The following KCNQ1 variants were observed in gnomAD, a reference collection of about 807,000 sequenced individuals.
KCNQ1 encodes potassium voltage-gated channel subfamily KQT member 1.
KCNQ1 carries 49 observed loss-of-function variants against 72.4 expected under a neutral mutation model. The ratio of observed to expected loss-of-function variants is 0.68; its 90% CI spans 0.54 to 0.86. The LOEUF is 0.86. Among genes scored for constraint, KCNQ1 ranks in the 40% least tolerant of loss-of-function variants. The pLI is 0.00. For missense variants in KCNQ1, 790 were observed against 945.1 expected (o/e 0.84, Z 2.15); for synonymous variants, 450 against 412.6 (o/e 1.09, Z -1.10).
rs1463403889 is a variant in KCNQ1 at position 2,652,296 on chromosome 11, T to C, written c.1394-9665T>C. ...TGCACCGGTTTCCAAGGCTTCTCCC[T>C]CACTAATTGCTTTGATTATTGTGTG... On this transcript the variant is annotated intron_variant, in intron 10 of 15. Coordinates refer to ENST00000155840, the MANE Select transcript of KCNQ1 (RefSeq NM_000218.3). This position sits in a 1 kb window ranked among gnomAD's most constrained non-coding sequence, Gnocchi z 5.9. 5.0e-6 allele frequency: 2 copies of C among 398,536 alleles called. No individual in the cohort carries two copies. The highest frequency in any genetic ancestry group is 8.8e-6 in the Non-Finnish European group (2 of 226,062). 24.7% of individuals were successfully genotyped at this position (398,536 alleles called of 1,614,324 possible).
intron 15 of KCNQ1, among the ~76,000 whole-genome samples, chr11:2,839,351 C>A (rs540334637): frequency 6.6e-6 from 1 of 152,250 alleles, no homozygotes. Flanking sequence ...TCTGTCCCCA[C>A]CCTGAAGTTG....
At position 2,611,774 on chromosome 11, in the gene KCNQ1, T is replaced by G. The variant is rs1589980876; in HGVS notation, c.1393+22920T>G. 4.5e-5 allele frequency: 18 copies of G among 398,526 alleles called. No homozygotes were observed. The East Asian group carries it at 6.4e-4, about 14-fold the overall frequency. The allele number at this position is 398,526 out of a possible 1,614,324, so 24.7% of individuals were successfully genotyped here. On this transcript the variant is annotated intron_variant, in intron 10 of 15. Transcript: ENST00000155840. This position sits in a 1 kb window ranked among gnomAD's most constrained non-coding sequence, Gnocchi z 5.3. ...TTATTTATTTTCTATATGTCTCATA[T>G]CACTTTTGTTCCTCTCTTCCTCCTT...
At chr11:2,709,702 T>A (rs935791085) in intron 11 of KCNQ1, among the ~76,000 whole-genome samples, 1 of 152,176 alleles carries the variant, frequency 6.6e-6, no homozygotes. Context: ...CGGGTTTGCC[T>A]GTTCTGAACA....
In KCNQ1 at chr11:2,612,300, C is replaced by T. The variant is rs563069360; in HGVS notation, c.1393+23446C>T. On this transcript the variant is annotated intron_variant, in intron 10 of 15. Coordinates refer to ENST00000155840, the MANE Select transcript of KCNQ1 (RefSeq NM_000218.3). This position sits in a 1 kb window ranked among gnomAD's most constrained non-coding sequence, Gnocchi z 5.5. ...TGTGAGGGATCTAGGTTGTGCACTC[C>T]GTATGAGAATCTAACTAAAGCCTCC... 109 of 398,566 alleles carry T rather than the reference C, an allele frequency of 2.7e-4. No individual in the cohort carries two copies. Among genetic ancestry groups the T allele is most frequent in the African/African-American group, 6.4e-4 (31 of 48,736 alleles). 24.7% of individuals were successfully genotyped at this position (398,566 alleles called of 1,614,324 possible). A position where few individuals can be genotyped will look rare whatever the true frequency, so the allele number is the denominator to read the frequency against.
rs749279266 is a variant in KCNQ1 at position 2,735,346 on chromosome 11, G to A, written c.1515-33498G>A. Among the ~76,000 whole-genome samples, 112 of 151,990 alleles carry A rather than the reference G, an allele frequency of 7.4e-4. No individual in the cohort carries two copies. Among genetic ancestry groups the A allele is most frequent in the Admixed American group, 1.5e-3 (23 of 15,276 alleles). On this transcript the variant is annotated intron_variant, in intron 11 of 15. Coordinates refer to ENST00000155840, the MANE Select transcript of KCNQ1 (RefSeq NM_000218.3). This position sits in a 1 kb window ranked among gnomAD's most constrained non-coding sequence, Gnocchi z 7.7. ...GCTAATGGCAATTGAGGCCCTGCCC[G>A]GTGGAGGGTGGGCCATGGCCGCCCC...
At chr11:2,744,073 G>A (rs918960053) in intron 11 of KCNQ1, among the ~76,000 whole-genome samples, 6 of 152,184 alleles carry the variant, frequency 3.9e-5, no homozygotes, top group Admixed American at 6.5e-5. Flanking sequence ...GCCCATTGCC[G>A]GTACCCATGG....
In KCNQ1 at chr11:2,746,480, C is replaced by T. The variant is rs1846139809; in HGVS notation, c.1515-22364C>T. ...CATTCCTCATCCGTCTCCCTGGGCT[C>T]CTCTGGGCGGTGACTGTTTCCCAGG... On this transcript the variant is annotated intron_variant, in intron 11 of 15. Transcript: ENST00000155840. This position sits in a 1 kb window ranked among gnomAD's most constrained non-coding sequence, Gnocchi z 5.9. 6.6e-6 allele frequency among the ~76,000 whole-genome samples: 1 copy of T among 152,172 alleles called. No homozygotes were observed. Among genetic ancestry groups the T allele is most frequent in the Admixed American group, 6.5e-5 (1 of 15,278 alleles).
In KCNQ1 at chr11:2,813,976, A is replaced by T. The variant is rs1847548502; in HGVS notation, c.1795-33791A>T. Among the ~76,000 whole-genome samples the T allele has an allele frequency of 6.6e-6, 1 of 151,834 alleles. No individual in the cohort carries two copies. Among genetic ancestry groups the T allele is most frequent in the Non-Finnish European group, 1.5e-5 (1 of 67,966 alleles). On this transcript the variant is annotated intron_variant, in intron 15 of 15. Transcript: ENST00000155840. This position sits in a 1 kb window ranked among gnomAD's most constrained non-coding sequence, Gnocchi z 4.4. The stretch of plus-strand genomic sequence containing the variant: ...GGTGAAAGGATGAATAGAGAGATGG[A>T]GGGAAGGAGGGCTGAATAAAGAAAT...
At chr11:2,805,270 G>A (rs1847348880) in intron 15 of KCNQ1, among the ~76,000 whole-genome samples, 1 of 152,184 alleles carries the variant, frequency 6.6e-6, no homozygotes, top group Admixed American at 6.5e-5. Flanking sequence ...GGAGAGCAAA[G>A]GCTGCAGCTG....
intron 15 of KCNQ1, among the ~76,000 whole-genome samples, chr11:2,804,297 T>G (rs1206313069): frequency 6.6e-6 from 1 of 152,126 alleles, no homozygotes; most frequent in Non-Finnish European, 1.5e-5. Context: ...AACGTCATTT[T>G]GCAGAAGGGA....
At chr11:2,728,974 G>C (rs1845808109) in intron 11 of KCNQ1, among the ~76,000 whole-genome samples, 1 of 152,240 alleles carries the variant, frequency 6.6e-6, no homozygotes, top group African/African-American at 2.4e-5. Flanking sequence ...GGTGTTGATT[G>C]GTTCTGGGAG....
chr11:2,666,101 C>A, intron 11 of KCNQ1: 1 of 398,668 alleles, frequency 2.5e-6, no homozygotes, highest in South Asian at 1.3e-4. Flanking sequence ...CCAGCCCAGT[C>A]ATGTGGTTTC....
rs1046220057 is a variant in KCNQ1, at chr11:2,781,181, C to G, written c.1794+3144C>G. On this transcript the variant is annotated intron_variant, in intron 15 of 15. Coordinates refer to ENST00000155840, the MANE Select transcript of KCNQ1 (RefSeq NM_000218.3). The surrounding 1 kb of genome is among the most constrained non-coding windows in gnomAD (Gnocchi z 6.6). Reference sequence around the variant, plus strand: ...TGTTTTCATCTTAGATTATTGTCTTCTTTATCCTGGAGAGGACTCTTATTT... The same window carrying G: ...TGTTTTCATCTTAGATTATTGTCTTGTTTATCCTGGAGAGGACTCTTATTT... Among the ~76,000 whole-genome samples, 2 of 152,162 alleles carry G rather than the reference C, an allele frequency of 1.3e-5. No homozygotes were observed. Among genetic ancestry groups the G allele is most frequent in the Non-Finnish European group, 2.9e-5 (2 of 68,032 alleles).
chr11:2,640,813 A>C (rs1292759747), intron 10 of KCNQ1: 1 of 398,200 alleles, frequency 2.5e-6, no homozygotes, highest in East Asian at 3.6e-5. Flanking sequence ...CCACTAACCA[A>C]CCTCTCTTCA....
At chr11:2,696,506 CCT>C in intron 11 of KCNQ1, 1 of 398,662 alleles carries the variant, frequency 2.5e-6, no homozygotes. Context: ...CAGCAGAAGT[CCT>C]CTGCTCTCCT....
intron 1 of KCNQ1, among the ~76,000 whole-genome samples, chr11:2,525,747 G>C (rs1027017287): frequency 1.1e-4 from 16 of 152,348 alleles, no homozygotes; most frequent in Admixed American, 4.6e-4. Context: ...ATGTCCCAGT[G>C]GGGGAGTAAC....
chr11:2,829,769 G>C (rs1257564228), intron 15 of KCNQ1, among the ~76,000 whole-genome samples: 2 of 152,120 alleles, frequency 1.3e-5, no homozygotes, highest in Non-Finnish European at 2.9e-5. Flanking sequence ...ATAGTCGGTA[G>C]GGTTGAAGGG....
At position 2,613,976 on chromosome 11, in the gene KCNQ1, AT is replaced by A; in HGVS notation, c.1393+25123del. The A allele has an allele frequency of 2.5e-6, 1 of 398,624 alleles. No homozygotes were observed. Among genetic ancestry groups the A allele is most frequent in the Non-Finnish European group, 4.4e-6 (1 of 226,066 alleles). 24.7% of individuals were successfully genotyped at this position (398,624 alleles called of 1,614,324 possible). ...CAACATCTCCTAGAAATCACTCAACATCCATTCACAGAGATCTTTCTCATTG... is the reference window on the plus strand; with the variant it reads ...CAACATCTCCTAGAAATCACTCAACACCATTCACAGAGATCTTTCTCATTG... On this transcript the variant is annotated intron_variant, in intron 10 of 15. Transcript: ENST00000155840. The surrounding 1 kb of genome is among the most constrained non-coding windows in gnomAD (Gnocchi z 4.8).
rs199472822 is a variant in KCNQ1, at chr11:2,847,860, C to T, written c.1888C>T (p.Pro630Ser). ...HGGSTPGSGG[P>S]PREGGAHITQ... is the part of the protein sequence containing the mutation. ...TGGCAGCACCCCCGGCAGCGGCGGCCCCCCCAGAGAGGGCGGGGCCCACAT... is the reference window on the plus strand; with the variant it reads ...TGGCAGCACCCCCGGCAGCGGCGGCTCCCCCAGAGAGGGCGGGGCCCACAT... The change falls in exon 16 of 16, where the codon CCC becomes TCC. Residue 630 changes from proline (P) to serine (S), a missense_variant. Pro to Ser is a moderately conservative substitution (Grantham distance 74). Coordinates refer to ENST00000155840, the MANE Select transcript of KCNQ1 (RefSeq NM_000218.3). 16 of 1,576,418 alleles carry T rather than the reference C, an allele frequency of 1.0e-5. No homozygotes were observed. Among genetic ancestry groups the T allele is most frequent in the Non-Finnish European group, 1.3e-5 (15 of 1,161,096 alleles).
Sources: allele counts gnomAD v4.1 joint callset (sites outside exome capture counted in the v4.1 genomes callset), GRCh38; gene constraint gnomAD v4.1.1; non-coding constraint Gnocchi (gnomAD v3.1); transcripts MANE v1.5; gene names NCBI Gene and HGNC (gene_info 2026-07-23, HGNC 2026-07-21).